Variants in AUTS2 observed in about 807,000 individuals in gnomAD.
AUTS2 encodes the protein activator of transcription and developmental regulator AUTS2, also known as autism susceptibility gene 2 protein.
AUTS2 carries 17 observed loss-of-function variants against 112.4 expected under a neutral mutation model. That is an observed-to-expected ratio of 0.15 (90% CI 0.10 to 0.23). The LOEUF is 0.23. AUTS2 is among the 10% of genes least tolerant of loss of function. The pLI is 1.00. For missense variants in AUTS2, 1,510 were observed against 1,701.6 expected, an observed-to-expected ratio of 0.89 and a Z score of 1.98; for synonymous variants, 751 against 702.7, an observed-to-expected ratio of 1.07 and a Z score of -1.09.
chr7:69,860,141 G>A, intron 1 of AUTS2, among the ~76,000 whole-genome samples: 1 of 151,916 alleles, frequency 6.6e-6, no homozygotes, highest in East Asian at 1.9e-4. Flanking sequence ...CAATTTTGAG[G>A]ACCCTTGACC....
rs1205769178 is a variant in AUTS2 at position 70,594,684 on chromosome 7, TG to T, written c.691-103882del. Among the ~76,000 whole-genome samples, 18 of 152,266 alleles carry T rather than the reference TG, an allele frequency of 1.2e-4. No homozygotes were observed. In the South Asian group the frequency reaches 3.7e-3, roughly 32 times the overall value. ...ACTTTGATAGTTTCCTCCATTTGTA[TG>T]GGCGGAGGTTGCAAAGGCCAGAATA... is the stretch of plus-strand genomic sequence containing the variant. On this transcript the variant is annotated intron_variant, in intron 5 of 18. Coordinates refer to ENST00000342771, the MANE Select transcript of AUTS2 (RefSeq NM_015570.4).
chr7:70,104,103 A>G (rs1014220067), intron 2 of AUTS2, among the ~76,000 whole-genome samples: 1 of 151,328 alleles, frequency 6.6e-6, no homozygotes, highest in Non-Finnish European at 1.5e-5. Flanking sequence ...ATGTTGGCAC[A>G]ATGGTAGAAG....
chr7:69,902,795 C>T (rs1795017640), intron 2 of AUTS2, among the ~76,000 whole-genome samples: 1 of 152,118 alleles, frequency 6.6e-6, no homozygotes, highest in African/African-American at 2.4e-5. Context: ...GATGTTTTTC[C>T]ATACTACCAA....
At chr7:70,749,156 G>A (rs971701892) in intron 6 of AUTS2, among the ~76,000 whole-genome samples, 4 of 152,094 alleles carry the variant, frequency 2.6e-5, no homozygotes, top group Admixed American at 2.0e-4. Context: ...CCTACATGTC[G>A]GTAGAGGACC....
intron 4 of AUTS2, among the ~76,000 whole-genome samples, chr7:70,249,748 CAGTA>C (rs1377047566): frequency 6.6e-6 from 1 of 151,792 alleles, no homozygotes; most frequent in Non-Finnish European, 1.5e-5. Flanking sequence ...GACTCAAACT[CAGTA>C]AGTGGATTAG....
At position 69,683,783 on chromosome 7, in the gene AUTS2, C is replaced by T. The variant is rs1200501178; in HGVS notation, c.309+83821C>T. ...AAAATTGGTCTGGCATGGTAGTACA[C>T]GCCTATAATCCCAGCCACTTGGGAG... On this transcript the variant is annotated intron_variant, in intron 1 of 18. Transcript: ENST00000342771. Among the ~76,000 whole-genome samples the T allele has an allele frequency of 2.6e-5, 4 of 151,702 alleles. No homozygotes were observed. In the South Asian group the frequency reaches 8.3e-4, roughly 32 times the overall value.
chr7:70,096,629 AAAAG>A (rs1804220015), intron 2 of AUTS2, among the ~76,000 whole-genome samples: 1 of 151,738 alleles, frequency 6.6e-6, no homozygotes, highest in South Asian at 2.1e-4. Context: ...AAAAAAAAGA[AAAAG>A]AAAATACTGT....
At position 70,053,544 on chromosome 7, in the gene AUTS2, G is replaced by GTTTTTTTTTTTTT. The variant is rs200867539; in HGVS notation, c.523-64576_523-64575insTTTTTTTTTTTTT. 3.4e-4 allele frequency among the ~76,000 whole-genome samples: 44 copies of GTTTTTTTTTTTTT among 127,810 alleles called. 4 individuals carry two copies. The highest frequency in any genetic ancestry group is 9.9e-4 in the African/African-American group (32 of 32,336). 83.8% of individuals were successfully genotyped at this position (127,810 alleles called of 152,430 possible). On this transcript the variant is annotated intron_variant, in intron 2 of 18. Transcript: ENST00000342771. ...ATTGTGGCAACCACTGTTTTGGGTG[G>GTTTTTTTTTTTTT]TTTTTTTTTTTTGGAGACAGGATCT...
Position 69,621,691 on chromosome 7 carries a change from T to C in AUTS2, c.309+21729T>C, listed in dbSNP as rs187068880. On this transcript the variant is annotated intron_variant, in intron 1 of 18. Transcript: ENST00000342771. ...TGTGGATGAACTACATTAAAATAAC[T>C]AGGTGCTGTGAGATTTTGCTCTAGG... 1.4e-4 allele frequency among the ~76,000 whole-genome samples: 22 copies of C among 152,342 alleles called. No individual in the cohort carries two copies. In the East Asian group the frequency reaches 3.1e-3, roughly 21 times the overall value.
intron 4 of AUTS2, among the ~76,000 whole-genome samples, chr7:70,246,487 A>G (rs546252143): frequency 2.6e-5 from 4 of 152,298 alleles, no homozygotes; most frequent in East Asian, 3.9e-4. Context: ...TGATGGACCA[A>G]CTGTCATAAA....
At chr7:69,988,391 C>A (rs1280472488) in intron 2 of AUTS2, among the ~76,000 whole-genome samples, 1 of 152,150 alleles carries the variant, frequency 6.6e-6, no homozygotes, top group Non-Finnish European at 1.5e-5. Flanking sequence ...TCTGGCCTCT[C>A]AGTACATCAC....
intron 5 of AUTS2, among the ~76,000 whole-genome samples, chr7:70,460,115 T>C (rs951651520): frequency 2.6e-5 from 4 of 152,068 alleles, no homozygotes; most frequent in Non-Finnish European, 4.4e-5. Context: ...ACTAGTGAAG[T>C]TTAAAACCAG....
chr7:69,988,735 A>G (rs897437093), intron 2 of AUTS2, among the ~76,000 whole-genome samples: 1 of 152,194 alleles, frequency 6.6e-6, no homozygotes, highest in African/African-American at 2.4e-5. Flanking sequence ...GTCAGCTTTA[A>G]CAACACATCC....
intron 4 of AUTS2, among the ~76,000 whole-genome samples, chr7:70,369,738 A>G (rs1210213195): frequency 6.6e-6 from 1 of 152,210 alleles, no homozygotes; most frequent in Non-Finnish European, 1.5e-5. Context: ...GTGACAAGGT[A>G]CACTTGGTCA....
intron 6 of AUTS2, among the ~76,000 whole-genome samples, chr7:70,757,848 C>T (rs1406186734): frequency 9.6e-6 from 1 of 104,058 alleles, no homozygotes; most frequent in Non-Finnish European, 1.7e-5. Context: ...CAGGGTCTTG[C>T]TCTGTCACTC....
chr7:70,303,648 C>T (rs1033117258), intron 4 of AUTS2, among the ~76,000 whole-genome samples: 9 of 152,074 alleles, frequency 5.9e-5, no homozygotes, highest in African/African-American at 2.2e-4. Flanking sequence ...GAAGACACTC[C>T]AGAGGGTGCT....
intron 4 of AUTS2, among the ~76,000 whole-genome samples, chr7:70,424,362 A>G (rs573393319): frequency 6.6e-6 from 1 of 152,312 alleles, no homozygotes; most frequent in South Asian, 2.1e-4. Flanking sequence ...TCAATCAGGA[A>G]AATATTTTGA....
At chr7:70,444,373 T>TGTGTGAGA (rs372696006) in intron 5 of AUTS2, among the ~76,000 whole-genome samples, 2 of 142,440 alleles carry the variant, frequency 1.4e-5, no homozygotes, top group Non-Finnish European at 3.0e-5. Context: ...TGTGTGTGTG[T>TGTGTGAGA]GAGAGAGAGA....
chr7:70,688,895 TA>T, intron 5 of AUTS2, among the ~76,000 whole-genome samples: 1 of 152,354 alleles, frequency 6.6e-6, no homozygotes, highest in East Asian at 1.9e-4. Flanking sequence ...GTAGTCCTCT[TA>T]AAACTGGAAA....
Sources: gnomAD v4.1 joint callset for allele counts (sites outside exome capture counted in the v4.1 genomes callset) on GRCh38, gnomAD v4.1.1 for gene constraint, MANE v1.5 for transcripts, NCBI Gene and HGNC (gene_info 2026-07-23, HGNC 2026-07-21) for gene names.